NBEAL1: variants seen among roughly 807,000 people sequenced by gnomAD.
NBEAL1 encodes neurobeachin-like protein 1.
NBEAL1 carries 273 observed loss-of-function variants against 351.3 expected under a neutral mutation model. That is an observed-to-expected ratio of 0.78 (90% CI 0.70 to 0.86). The LOEUF is 0.86. Among genes scored for constraint, NBEAL1 ranks in the 40% least tolerant of loss-of-function variants. The pLI is 0.00. For missense variants in NBEAL1, 2,961 were observed against 3,201.3 expected, an observed-to-expected ratio of 0.92 and a Z score of 1.81; for synonymous variants, 1,050 against 1,086.4, an observed-to-expected ratio of 0.97 and a Z score of 0.66.
chr2:203,110,414 C>G, intron 15 of NBEAL1, 132 bp downstream of exon 15: 1 of 916,182 alleles, frequency 1.1e-6, no homozygotes, highest in Non-Finnish European at 1.6e-6. Context: ...CACACCTGTA[C>G]GTAATCCCAG....
chr2:203,095,714 T>G lies in NBEAL1; in HGVS notation c.1099-1833T>G, dbSNP rs560767432. On this transcript the variant is annotated intron_variant, in intron 10 of 55. Transcript: ENST00000683969. ...TTCCCTTGACCTAAATATGAAATAT[T>G]ATTCCTTTAAAAACCTTTGCTTGTA... Among the ~76,000 whole-genome samples, 6 of 152,308 alleles carry G rather than the reference T, an allele frequency of 3.9e-5. No individual in the cohort carries two copies. In the South Asian group the frequency reaches 1.0e-3, roughly 26 times the overall value.
intron 2 of NBEAL1, among the ~76,000 whole-genome samples, chr2:203,036,212 T>A (rs1439818012): frequency 6.7e-6 from 1 of 149,454 alleles, no homozygotes; most frequent in Non-Finnish European, 1.5e-5. Flanking sequence ...AGCTTGAGAT[T>A]TAATTAATAT....
In NBEAL1 at chr2:203,201,551, G is replaced by A. The variant is rs776921048; in HGVS notation, c.7247G>A (p.Arg2416His). The A allele has an allele frequency of 8.9e-6, 14 of 1,578,174 alleles. No individual in the cohort carries two copies. Among genetic ancestry groups the A allele is most frequent in the Middle Eastern group, 1.7e-4 (1 of 5,932 alleles). ...TTTAATTGTGTTTACAGAACTCAGC[G>A]CAGTATAAATGGTTCTTTTGCTCCC... ...DQTVTNPKTQRSINGSFAPGL... is the reference protein window; with the variant it reads ...DQTVTNPKTQHSINGSFAPGL... Residue 2416 changes from arginine to histidine, a missense_variant, in exon 50 of 56, where the codon CGC becomes CAC. Physicochemically the swap from Arg to His is conservative, Grantham distance 29. Transcript: ENST00000683969.
At chr2:203,130,223 T>C (rs2063042064) in intron 24 of NBEAL1, 95 bp from the exon 25 acceptor site, 2 of 1,170,668 alleles carry the variant, frequency 1.7e-6, no homozygotes, top group African/African-American at 1.6e-5. Flanking sequence ...AAACATTATA[T>C]AGGATTTAAT....
At chr2:203,194,303 G>T (rs1486708570) in intron 47 of NBEAL1, among the ~76,000 whole-genome samples, 1 of 152,124 alleles carries the variant, frequency 6.6e-6, no homozygotes, top group African/African-American at 2.4e-5. Context: ...AGAATGAGTA[G>T]TCTAGTAAAA....
intron 54 of NBEAL1, 92 bp from the exon 55 acceptor site, chr2:203,213,426 A>C: frequency 8.5e-7 from 1 of 1,182,648 alleles, no homozygotes; most frequent in African/African-American, 1.5e-5. Flanking sequence ...ATGCAGAACT[A>C]GATGAGCATT....
intron 38 of NBEAL1, 140 bp from the exon 39 acceptor site, chr2:203,169,607 A>G (rs2064255686): frequency 6.6e-6 from 3 of 456,636 alleles, no homozygotes; most frequent in Non-Finnish European, 1.2e-5. Context: ...GACTGTCTCA[A>G]CAAAACAAAA....
chr2:203,112,230 A>T, intron 16 of NBEAL1, 132 bp downstream of exon 16: 1 of 849,966 alleles, frequency 1.2e-6, no homozygotes, highest in Non-Finnish European at 1.7e-6. Context: ...ATGTAGTAAG[A>T]CTCCACACAT....
chr2:203,195,875 A>G (rs1211441537), intron 47 of NBEAL1, among the ~76,000 whole-genome samples: 1 of 152,168 alleles, frequency 6.6e-6, no homozygotes, highest in Non-Finnish European at 1.5e-5. Flanking sequence ...CCAGAAGAAA[A>G]ACAAGTGTTT....
At chr2:203,074,877 T>C (rs2061744437) in intron 7 of NBEAL1, 1 of 153,954 alleles carries the variant, frequency 6.5e-6, no homozygotes, top group African/African-American at 2.4e-5. Flanking sequence ...TTTGCTGTCA[T>C]CTTTTTCATT....
rs530675675 is a variant in NBEAL1, at chr2:203,220,908, G to A, written c.*3554G>A. ...AACTTTGTTTAGGTCACAGTGCAGTGCATCCTTTTGTAGAAGAAAAAATAC... is the reference window on the plus strand; with the variant it reads ...AACTTTGTTTAGGTCACAGTGCAGTACATCCTTTTGTAGAAGAAAAAATAC... On this transcript the variant is annotated 3_prime_UTR_variant, in exon 56 of 56. Transcript: ENST00000683969. Among the ~76,000 whole-genome samples the A allele has an allele frequency of 6.6e-6, 1 of 152,114 alleles. No individual in the cohort carries two copies. Among genetic ancestry groups the A allele is most frequent in the Admixed American group, 6.6e-5 (1 of 15,266 alleles).
At chr2:203,056,756 C>T (rs565724423) in intron 5 of NBEAL1, among the ~76,000 whole-genome samples, 7 of 152,090 alleles carry the variant, frequency 4.6e-5, no homozygotes, top group Non-Finnish European at 7.4e-5. Flanking sequence ...TTAGTAGAGA[C>T]GGGGTTTCTC....
chr2:203,145,458 T>C (rs1052790810), intron 33 of NBEAL1, among the ~76,000 whole-genome samples: 9 of 152,114 alleles, frequency 5.9e-5, no homozygotes, highest in Admixed American at 5.9e-4. Context: ...ATAATGTTTA[T>C]ATTAGAAAAG....
At chr2:203,209,677 T>C (rs918472263) in intron 53 of NBEAL1, among the ~76,000 whole-genome samples, 11 of 151,290 alleles carry the variant, frequency 7.3e-5, no homozygotes, top group African/African-American at 2.7e-4. Flanking sequence ...TTTATGTTTG[T>C]TTCCTGTCAG....
At chr2:203,080,892 G>A (rs910337688) in intron 8 of NBEAL1, among the ~76,000 whole-genome samples, 3 of 152,234 alleles carry the variant, frequency 2.0e-5, no homozygotes, top group Admixed American at 2.0e-4. Context: ...AATGGAAGTG[G>A]CATTGTTATG....
intron 4 of NBEAL1, among the ~76,000 whole-genome samples, chr2:203,054,756 T>C (rs1321318257): frequency 6.6e-6 from 1 of 152,236 alleles, no homozygotes; most frequent in East Asian, 1.9e-4. Context: ...TCTTCTCAGT[T>C]AATATACATT....
At chr2:203,145,473 A>C (rs1397963563) in intron 33 of NBEAL1, among the ~76,000 whole-genome samples, 3 of 152,198 alleles carry the variant, frequency 2.0e-5, no homozygotes, top group Admixed American at 1.3e-4. Flanking sequence ...GAAAAGAAAA[A>C]GGCATCAAAT....
At chr2:203,106,189 A>G (rs894253824) in intron 12 of NBEAL1, among the ~76,000 whole-genome samples, 4 of 152,230 alleles carry the variant, frequency 2.6e-5, no homozygotes, top group Non-Finnish European at 5.9e-5. Flanking sequence ...TGCCAGGCAC[A>G]TGATAAGTGC....
intron 2 of NBEAL1, among the ~76,000 whole-genome samples, chr2:203,039,266 CT>C (rs2061092644): frequency 1.7e-5 from 1 of 59,404 alleles, no homozygotes; most frequent in African/African-American, 6.8e-5. Flanking sequence ...CTTCCCTTCC[CT>C]TCCCTTCCCT....
Sources: allele counts gnomAD v4.1 joint callset (sites outside exome capture counted in the v4.1 genomes callset), GRCh38; gene constraint gnomAD v4.1.1; transcripts MANE v1.5; gene names NCBI Gene and HGNC (gene_info 2026-07-23, HGNC 2026-07-21).